Variants in TENM3 observed in about 807,000 individuals in gnomAD.
The protein encoded by TENM3 is teneurin transmembrane protein 3.
Under a neutral mutation model 255.1 loss-of-function variants are expected in TENM3, and 63 were observed. The ratio of observed to expected loss-of-function variants is 0.25; its 90% CI spans 0.20 to 0.30. The LOEUF (loss-of-function observed/expected upper bound fraction) is 0.30, where lower values mean the gene tolerates loss of function less well. TENM3 is among the 10% of genes least tolerant of loss of function. The probability of loss-of-function intolerance (pLI) is 1.00; values close to 1 mark genes in which losing one functional copy is unlikely to be tolerated. For missense variants in TENM3, 2,929 were observed against 3,461.1 expected (o/e 0.85, Z 3.86); for synonymous variants, 1,306 against 1,322.3 (o/e 0.99, Z 0.27).
At chr4:182,713,037 T>G (rs1758875490) in intron 12 of TENM3, among the ~76,000 whole-genome samples, 1 of 152,204 alleles carries the variant, frequency 6.6e-6, no homozygotes, top group Non-Finnish European at 1.5e-5. Context: ...CCAGATATCA[T>G]CAGTAGGAAG....
the TENM3 span, among the ~76,000 whole-genome samples, chr4:181,481,362 A>G: frequency 6.6e-6 from 1 of 152,222 alleles, no homozygotes; most frequent in Non-Finnish European, 1.5e-5. Flanking sequence ...ATGTGACAAT[A>G]TAGAGAGAAC....
the TENM3 span, among the ~76,000 whole-genome samples, chr4:181,792,202 T>C: frequency 6.6e-6 from 1 of 152,248 alleles, no homozygotes; most frequent in Non-Finnish European, 1.5e-5. Flanking sequence ...CTCTTAAAAT[T>C]GTTAAGCTCA....
chr4:181,770,394 G>C, the TENM3 span, among the ~76,000 whole-genome samples: 1 of 152,082 alleles, frequency 6.6e-6, no homozygotes, highest in South Asian at 2.1e-4. Context: ...GAGGAAGTTG[G>C]CCGGGCGTGG....
the TENM3 span, among the ~76,000 whole-genome samples, chr4:181,541,911 A>T: frequency 6.6e-6 from 1 of 152,340 alleles, no homozygotes; most frequent in African/African-American, 2.4e-5. Context: ...CAGATGGACC[A>T]TTTGCCTGCA....
chr4:181,589,817 C>T, the TENM3 span, among the ~76,000 whole-genome samples: 1,953 of 152,238 alleles, frequency 0.013, 103 homozygotes, highest in Admixed American at 0.081. Flanking sequence ...AAAGACCGTA[C>T]GTGATTCTCT....
chr4:181,506,453 C>T, the TENM3 span, among the ~76,000 whole-genome samples: 10,061 of 151,596 alleles, frequency 0.066, 432 homozygotes, highest in South Asian at 0.14. Context: ...AAGAGAAAGA[C>T]TCAGTCCTTC....
the TENM3 span, among the ~76,000 whole-genome samples, chr4:182,041,381 A>G: frequency 6.6e-6 from 1 of 152,196 alleles, no homozygotes; most frequent in African/African-American, 2.4e-5. Context: ...TTGTAATGAT[A>G]AATAGCCATA....
intron 4 of TENM3, among the ~76,000 whole-genome samples, chr4:182,601,861 G>A (rs190944837): frequency 6.6e-6 from 1 of 152,298 alleles, no homozygotes; most frequent in Admixed American, 6.5e-5. Context: ...ATTTTGCCCT[G>A]ATTCATACAT....
At chr4:182,516,499 T>G (rs907840278) in intron 3 of TENM3, among the ~76,000 whole-genome samples, 1 of 152,178 alleles carries the variant, frequency 6.6e-6, no homozygotes, top group Non-Finnish European at 1.5e-5. Flanking sequence ...CCAAACACTT[T>G]TTATTAGGGT....
chr4:181,756,055 G>A, the TENM3 span, among the ~76,000 whole-genome samples: 1 of 152,158 alleles, frequency 6.6e-6, no homozygotes, highest in African/African-American at 2.4e-5. Flanking sequence ...CTCTGTGCTA[G>A]AGGAGTTGGC....
At chr4:181,654,458 G>A in the TENM3 span, among the ~76,000 whole-genome samples, 10 of 151,908 alleles carry the variant, frequency 6.6e-5, no homozygotes, top group South Asian at 2.1e-4. Context: ...AGTTCATTTC[G>A]GCTAAACCAA....
chr4:181,820,828 T>C, the TENM3 span, among the ~76,000 whole-genome samples: 1 of 152,218 alleles, frequency 6.6e-6, no homozygotes, highest in African/African-American at 2.4e-5. Context: ...CAGAGGCTCA[T>C]GTTTTTCCCT....
intron 1 of TENM3, among the ~76,000 whole-genome samples, chr4:182,176,911 G>T (rs1410155617): frequency 6.7e-6 from 1 of 149,328 alleles, no homozygotes; most frequent in Non-Finnish European, 1.5e-5. Context: ...CTGACCTCAG[G>T]TGATCTGCCT....
chr4:182,422,265 G>C (rs1770892742), intron 3 of TENM3, among the ~76,000 whole-genome samples: 1 of 152,046 alleles, frequency 6.6e-6, no homozygotes, highest in Non-Finnish European at 1.5e-5. Context: ...AGCCAAGCAA[G>C]CAGTGGGCTG....
At chr4:181,677,420 A>G in the TENM3 span, among the ~76,000 whole-genome samples, 7 of 152,246 alleles carry the variant, frequency 4.6e-5, no homozygotes, top group South Asian at 1.4e-3. Context: ...TGCAAAAGAG[A>G]CATTCCTTTG....
At chr4:181,942,250 C>T in the TENM3 span, among the ~76,000 whole-genome samples, 3 of 142,544 alleles carry the variant, frequency 2.1e-5, no homozygotes, top group African/African-American at 5.2e-5. Flanking sequence ...TTCTTTCCAG[C>T]ATTGCTATGA....
rs145720236 is a variant in TENM3, at chr4:182,795,350, A to G, written c.7214-1287A>G. On this transcript the variant is annotated intron_variant, in intron 26 of 27. Transcript: ENST00000511685. ...CAGAGTAACAGAATTTTTGCCCCCA[A>G]TACTCCAACATTTGGGAGAATTTTC... 7.2e-3 allele frequency among the ~76,000 whole-genome samples: 1,092 copies of G among 152,132 alleles called. 12 individuals are homozygous for G. Among genetic ancestry groups the G allele is most frequent in the East Asian group, 0.04 (206 of 5,162 alleles).
the TENM3 span, among the ~76,000 whole-genome samples, chr4:181,701,209 C>A: frequency 1.3e-5 from 2 of 152,142 alleles, no homozygotes; most frequent in East Asian, 3.9e-4. Context: ...AGGAGACTGG[C>A]ATGACAAAGT....
intron 4 of TENM3, among the ~76,000 whole-genome samples, chr4:182,605,280 T>C (rs918854767): frequency 1.3e-5 from 2 of 152,184 alleles, no homozygotes; most frequent in Non-Finnish European, 2.9e-5. Flanking sequence ...GCTCGATGAC[T>C]AAGGTTGACT....
Sources: gnomAD v4.1 joint callset for allele counts (sites outside exome capture counted in the v4.1 genomes callset) on GRCh38, gnomAD v4.1.1 for gene constraint, MANE v1.5 for transcripts, NCBI Gene and HGNC (gene_info 2026-07-23, HGNC 2026-07-21) for gene names.